DAPK1: variants seen among roughly 807,000 people sequenced by gnomAD.
DAPK1 encodes death associated protein kinase 1.
Under a neutral mutation model 144.9 loss-of-function variants are expected in DAPK1, and 56 were observed. The observed-to-expected ratio is 0.39, with a 90% CI of 0.31 to 0.48. The LOEUF (loss-of-function observed/expected upper bound fraction) is 0.48. DAPK1 is among the 20% of genes least tolerant of loss of function. The pLI is 0.95. For synonymous variants in DAPK1, 690 were observed against 749.0 expected, an observed-to-expected ratio of 0.92 and a Z score of 1.29; for missense variants, 1,454 against 1,875.4, an observed-to-expected ratio of 0.78 and a Z score of 4.15.
At chr9:87,545,613 C>A (rs1826221125) in intron 2 of DAPK1, among the ~76,000 whole-genome samples, 1 of 152,144 alleles carries the variant, frequency 6.6e-6, no homozygotes, top group African/African-American at 2.4e-5. Flanking sequence ...ATAGCGGGAT[C>A]TTGGCTCACT....
rs1328864537 is a variant in DAPK1 at position 87,708,564 on chromosome 9, T to C, written c.*1200T>C. The C allele has an allele frequency of 1.3e-5, 2 of 152,608 alleles. No individual in the cohort carries two copies. Among genetic ancestry groups the C allele is most frequent in the Non-Finnish European group, 2.9e-5 (2 of 68,044 alleles). 9.5% of individuals were successfully genotyped at this position (152,608 alleles called of 1,614,324 possible). ...TATTAATACTGGTATTTTTACTTAATCTATAAAATGTCGTTAAAAAGTTGT... is the reference window on the plus strand; with the variant it reads ...TATTAATACTGGTATTTTTACTTAACCTATAAAATGTCGTTAAAAAGTTGT... On this transcript the variant is annotated 3_prime_UTR_variant, in exon 26 of 26. Coordinates refer to ENST00000408954, the MANE Select transcript of DAPK1 (RefSeq NM_004938.4).
At chr9:87,497,471 A>G (rs1216368920), upstream of DAPK1, among the ~76,000 whole-genome samples, 1 of 152,210 alleles carries the variant, frequency 6.6e-6, no homozygotes, top group Non-Finnish European at 1.5e-5. Context: ...GTTTTGTTCT[A>G]TGTGATTTTC....
At chr9:87,508,059 C>T (rs1317240024) in intron 2 of DAPK1, among the ~76,000 whole-genome samples, 2 of 152,182 alleles carry the variant, frequency 1.3e-5, no homozygotes, top group African/African-American at 4.8e-5. Context: ...GTCACCCAGA[C>T]TAGAGTGCAG....
chr9:87,503,948 A>G (rs530112866), intron 2 of DAPK1, among the ~76,000 whole-genome samples: 99 of 152,236 alleles, frequency 6.5e-4, no homozygotes, highest in Non-Finnish European at 1.2e-3. Flanking sequence ...ATCCATAGGC[A>G]TTTTAATTGA....
chr9:87,497,989 C>A lies in DAPK1; in HGVS notation c.-227C>A. 1 of 397,276 alleles carries A rather than the reference C, an allele frequency of 2.5e-6. No individual in the cohort carries two copies. Among genetic ancestry groups the A allele is most frequent in the Non-Finnish European group, 4.4e-6 (1 of 225,534 alleles). The allele number at this position is 397,276 out of a possible 1,614,324, so 24.6% of individuals were successfully genotyped here. ...GGCCGGCGCCTGGGAGGGATCTGCG[C>A]CCCCCACTCACTCCCTAGCTGTGTT... On this transcript the variant is annotated 5_prime_UTR_variant, in exon 1 of 26. Transcript: ENST00000408954.
chr9:87,582,805 G>A lies in DAPK1; in HGVS notation c.63-22149G>A, dbSNP rs141028340. 1.8e-3 allele frequency among the ~76,000 whole-genome samples: 279 copies of A among 151,920 alleles called. 1 individual carries two copies. Among genetic ancestry groups the A allele is most frequent in the African/African-American group, 6.4e-3 (264 of 41,430 alleles). ...CCTGACCTCGTGATCCCCCCACCTCGGCCTCCCAAAGTGCTGGGATTACAG... is the reference window on the plus strand; with the variant it reads ...CCTGACCTCGTGATCCCCCCACCTCAGCCTCCCAAAGTGCTGGGATTACAG... On this transcript the variant is annotated intron_variant, in intron 2 of 25. Transcript: ENST00000408954.
chr9:87,522,052 G>C (rs796930572), intron 2 of DAPK1, among the ~76,000 whole-genome samples: 3 of 152,302 alleles, frequency 2.0e-5, no homozygotes, highest in African/African-American at 7.2e-5. Flanking sequence ...ATGCTCACCA[G>C]GTGCCAGCGC....
intron 15 of DAPK1, among the ~76,000 whole-genome samples, 165 bp downstream of exon 15, chr9:87,649,044 A>C (rs1415745756): frequency 6.6e-6 from 1 of 152,230 alleles, no homozygotes; most frequent in Non-Finnish European, 1.5e-5. Context: ...AGTACTAGCT[A>C]AGGTGTGCAA....
intron 2 of DAPK1, among the ~76,000 whole-genome samples, chr9:87,561,061 C>T (rs1012024570): frequency 4.6e-5 from 7 of 152,096 alleles, no homozygotes; most frequent in Non-Finnish European, 8.8e-5. Flanking sequence ...CATTTGAGTG[C>T]CCTTGTCTTT....
rs752422926 is a variant in DAPK1 at position 87,639,399 on chromosome 9, A to G, written c.469A>G (p.Ile157Val). 6.2e-7 allele frequency: 1 copy of G among 1,613,004 alleles called. No individual in the cohort carries two copies. Among genetic ancestry groups the G allele is most frequent in the African/African-American group, 1.3e-5 (1 of 74,820 alleles). The change falls in exon 5 of 26, where the codon ATC becomes GTC. Residue 157 changes from isoleucine to valine, a missense_variant. Physicochemically the swap from Ile to Val is conservative, Grantham distance 29. Coordinates refer to ENST00000408954, the MANE Select transcript of DAPK1 (RefSeq NM_004938.4). ...LLDRNVPKPR[I>V]KIIDFGLAHK... is the part of the protein sequence containing the mutation. ...GGATAGAAATGTCCCCAAACCTCGG[A>G]TCAAGATCATTGACTTTGGGTTGGC...
chr9:87,645,992 A>G lies in DAPK1; in HGVS notation c.1109A>G (p.Tyr370Cys), dbSNP rs765428113. 6.2e-7 allele frequency: 1 copy of G among 1,614,006 alleles called. No individual in the cohort carries two copies. Among genetic ancestry groups the G allele is most frequent in the South Asian group, 1.1e-5 (1 of 91,064 alleles). The change falls in exon 12 of 26, where the codon TAT becomes TGT. Residue 370 changes from tyrosine (Y) to cysteine (C), a missense_variant. Around this residue, in one of 2 missense-constraint regions of DAPK1, gnomAD observed 429 missense variants for 637.5 expected, o/e 0.67. Transcript: ENST00000408954. The part of the protein sequence containing the change: ...LQHLLGSLSN[Y>C]DVNQPNKHGT... ...CACCTTCTGGGCTCATTATCCAACT[A>G]TGATGTTAACCAACCCAACAAGGTC...
At chr9:87,640,938 C>A in intron 9 of DAPK1, 91 bp downstream of exon 9, 1 of 1,217,158 alleles carries the variant, frequency 8.2e-7, no homozygotes, top group Non-Finnish European at 1.2e-6. Flanking sequence ...TACTGCTAAC[C>A]ACAGGTCACA....
intron 3 of DAPK1, among the ~76,000 whole-genome samples, chr9:87,613,968 C>G (rs1368483106): frequency 6.6e-6 from 1 of 152,214 alleles, no homozygotes; most frequent in Non-Finnish European, 1.5e-5. Context: ...TGGCATCCCG[C>G]TCCTCAGATA....
At chr9:87,505,940 G>A (rs558835000) in intron 2 of DAPK1, among the ~76,000 whole-genome samples, 153 of 152,240 alleles carry the variant, frequency 1.0e-3, no homozygotes, top group African/African-American at 3.6e-3. Flanking sequence ...CGCCCGTCTC[G>A]GCCTCCCAAA....
chr9:87,604,637 G>T (rs1376762512), intron 2 of DAPK1, among the ~76,000 whole-genome samples: 2 of 152,142 alleles, frequency 1.3e-5, no homozygotes, highest in Non-Finnish European at 2.9e-5. Context: ...TGGAAGTGAG[G>T]TCAGATCACA....
rs1825516318 is a variant in DAPK1, at chr9:87,703,159, C to T, written c.3002C>T (p.Pro1001Leu). 6.2e-7 allele frequency: 1 copy of T among 1,612,314 alleles called. No homozygotes were observed. The highest frequency in any genetic ancestry group is 1.1e-5 in the South Asian group (1 of 91,070). Residue 1001 changes from proline to leucine, a missense_variant, in exon 25 of 26, where the codon CCC becomes CTC. Physicochemically the swap from Pro to Leu is moderately conservative, Grantham distance 98. Transcript: ENST00000408954. ...TACGACGTGCAGGACCAGCTGAACC[C>T]CCTGGCCAGCGAGGAGGACCTCAGG... is the stretch of plus-strand genomic sequence containing the variant. ...FVYDVQDQLN[P>L]LASEEDLRRI... is the part of the protein sequence containing the mutation.
chr9:87,528,347 A>G (rs11141864), intron 2 of DAPK1, among the ~76,000 whole-genome samples: 35,899 of 151,512 alleles, frequency 0.24, 5,344 homozygotes, highest in Middle Eastern at 0.39. Context: ...CCTTCCGAGT[A>G]GCTGGGATTA....
chr9:87,501,303 G>A (rs974514854), intron 2 of DAPK1, among the ~76,000 whole-genome samples: 2 of 152,202 alleles, frequency 1.3e-5, no homozygotes, highest in South Asian at 2.1e-4. Flanking sequence ...GGCAAATCAC[G>A]AGGTCAGGAG....
intron 2 of DAPK1, among the ~76,000 whole-genome samples, chr9:87,581,426 A>T (rs77415729): frequency 7.2e-6 from 1 of 139,788 alleles, no homozygotes; most frequent in Admixed American, 7.0e-5. Flanking sequence ...AGCTGTAATT[A>T]AAAAAAAAAA....
Sources: allele counts gnomAD v4.1 joint callset (sites outside exome capture counted in the v4.1 genomes callset), GRCh38; gene constraint gnomAD v4.1.1; regional missense constraint gnomAD v4.1.1; transcripts MANE v1.5; gene names NCBI Gene and HGNC (gene_info 2026-07-23, HGNC 2026-07-21).